Variants in ODAD4 observed in about 807,000 individuals in gnomAD.
The protein encoded by ODAD4 is outer dynein arm-docking complex subunit 4.
A neutral mutation model predicts 51.8 loss-of-function variants in ODAD4; 49 were observed. The observed-to-expected ratio is 0.95, with a 90% CI of 0.75 to 1.20. The LOEUF (loss-of-function observed/expected upper bound fraction) is 1.20. ODAD4 is among the 50% of genes most tolerant of loss of function. The probability of loss-of-function intolerance (pLI) is 0.00; values close to 1 mark genes in which losing one functional copy is unlikely to be tolerated. For missense variants in ODAD4, 590 were observed against 586.5 expected (o/e 1.01, Z -0.06); for synonymous variants, 235 against 221.3 (o/e 1.06, Z -0.55).
At chr17:41,946,576 T>C (rs1232194306) in intron 8 of ODAD4, among the ~76,000 whole-genome samples, 1 of 152,236 alleles carries the variant, frequency 6.6e-6, no homozygotes, top group Non-Finnish European at 1.5e-5. Flanking sequence ...TCACCCGCCA[T>C]GGCGTCCCAA....
chr17:41,942,762 G>T (rs1236846593), intron 7 of ODAD4, among the ~76,000 whole-genome samples: 2 of 152,214 alleles, frequency 1.3e-5, no homozygotes, highest in African/African-American at 4.8e-5. Context: ...CAGGGCTAGG[G>T]ACCAGGGCCT....
Position 41,966,212 on chromosome 17 carries a change from AG to A in ODAD4, c.*731del, listed in dbSNP as rs1309824454. Among the ~76,000 whole-genome samples, 15 of 152,286 alleles carry A rather than the reference AG, an allele frequency of 9.8e-5. No homozygotes were observed. Among genetic ancestry groups the A allele is most frequent in the Admixed American group, 7.8e-4 (12 of 15,300 alleles). ...GTGGCAGCTGAGGATCTGGCCTCAG[AG>A]GATGTTAGGATTTCACTCCGTTACT... is the stretch of plus-strand genomic sequence containing the variant. On this transcript the variant is annotated 3_prime_UTR_variant, in exon 12 of 12. Transcript: ENST00000377540.
chr17:41,954,959 C>T, intron 9 of ODAD4: 1 of 561,844 alleles, frequency 1.8e-6, no homozygotes, highest in Non-Finnish European at 3.3e-6. Context: ...GACTGCACCA[C>T]AGTCCCCTTC....
intron 10 of ODAD4, among the ~76,000 whole-genome samples, chr17:41,960,666 C>T (rs1365724555): frequency 6.6e-6 from 1 of 152,204 alleles, no homozygotes; most frequent in African/African-American, 2.4e-5. Flanking sequence ...ACTGACTCCT[C>T]ATGGGACCAG....
intron 7 of ODAD4, among the ~76,000 whole-genome samples, chr17:41,942,319 C>T (rs1215061229): frequency 6.6e-6 from 1 of 152,222 alleles, no homozygotes; most frequent in Admixed American, 6.5e-5. Flanking sequence ...CAGGAGCTCC[C>T]TCATTCTAAT....
intron 10 of ODAD4, among the ~76,000 whole-genome samples, chr17:41,960,511 T>C (rs185541695): frequency 1.4e-4 from 22 of 151,954 alleles, no homozygotes; most frequent in Non-Finnish European, 1.5e-4. Flanking sequence ...ACCAGTGCCA[T>C]AGGGGACTAG....
intron 1 of ODAD4, among the ~76,000 whole-genome samples, chr17:41,933,575 C>G (rs529070280): frequency 1.2e-4 from 18 of 152,242 alleles, no homozygotes; most frequent in Admixed American, 3.3e-4. Flanking sequence ...TTGCTTGAAC[C>G]CGGGAGGCGG....
chr17:41,935,296 G>C lies in ODAD4; in HGVS notation c.194G>C (p.Arg65Thr), dbSNP rs782273665. 5.0e-6 allele frequency: 8 copies of C among 1,613,906 alleles called. No individual in the cohort carries two copies. The highest frequency in any genetic ancestry group is 6.8e-6 in the Non-Finnish European group (8 of 1,179,906). ...TTCCTGAAGATGGGAGACTTGGAGA[G>C]ATCCCTGAAGGATGCTGAGGCTTCG... ...KCFLKMGDLE[R>T]SLKDAEASLQ... Residue 65 changes from arginine to threonine, a missense_variant, in exon 2 of 12, where the codon AGA (arginine) becomes ACA (threonine). By Grantham distance (71) the Arg-to-Thr change is moderately conservative. Around this residue, in one of 3 missense-constraint regions of ODAD4, gnomAD observed 360 missense variants for 407.5 expected, o/e 0.88. Transcript: ENST00000377540.
intron 7 of ODAD4, among the ~76,000 whole-genome samples, chr17:41,943,655 C>G (rs370891767): frequency 6.6e-5 from 10 of 152,180 alleles, no homozygotes; most frequent in African/African-American, 1.2e-4. Flanking sequence ...TCAGTTACTT[C>G]GGGCCATCTG....
chr17:41,932,726 C>CTTTT (rs10712306), intron 1 of ODAD4, among the ~76,000 whole-genome samples: 2 of 112,050 alleles, frequency 1.8e-5, no homozygotes, highest in African/African-American at 6.4e-5. Context: ...TTCTTTTCTT[C>CTTTT]TTTTTTTTTT....
At chr17:41,935,086 ATTCTTCAGAGCCTTGAT>A (rs781836321) in intron 1 of ODAD4, 114 bp from the exon 2 acceptor site, 790 of 1,104,724 alleles carry the variant, frequency 7.2e-4, no homozygotes, top group Non-Finnish European at 9.4e-4. Flanking sequence ...AATCCCCTTG[ATTCTTCAGAGCCTTGAT>A]TTCTTCAGAG....
chr17:41,957,730 C>T (rs1424601653), intron 10 of ODAD4, among the ~76,000 whole-genome samples: 1 of 152,138 alleles, frequency 6.6e-6, no homozygotes, highest in Non-Finnish European at 1.5e-5. Context: ...GCCCCCATCA[C>T]CTTGCATTCC....
chr17:41,949,763 C>G (rs1043396473), intron 9 of ODAD4, among the ~76,000 whole-genome samples: 1 of 152,274 alleles, frequency 6.6e-6, no homozygotes, highest in East Asian at 1.9e-4. Context: ...ACCTCTGCCT[C>G]CCAGGTTCAA....
intron 7 of ODAD4, among the ~76,000 whole-genome samples, chr17:41,941,106 G>A (rs1555638634): frequency 6.6e-6 from 1 of 152,178 alleles, no homozygotes; most frequent in Non-Finnish European, 1.5e-5. Flanking sequence ...GCCCAGCAAT[G>A]GCCATGTCTT....
chr17:41,934,921 A>G (rs1455097519), intron 1 of ODAD4, among the ~76,000 whole-genome samples: 4 of 152,226 alleles, frequency 2.6e-5, no homozygotes, highest in African/African-American at 7.2e-5. Context: ...CAGCGTATCC[A>G]CAGAGCAGCA....
intron 9 of ODAD4, among the ~76,000 whole-genome samples, chr17:41,951,537 T>C (rs2144521480): frequency 6.9e-6 from 1 of 144,700 alleles, no homozygotes; most frequent in Non-Finnish European, 1.5e-5. Flanking sequence ...CCTCCCGGGG[T>C]CAAGTGGTTT....
At chr17:41,933,398 C>G (rs1373674541) in intron 1 of ODAD4, among the ~76,000 whole-genome samples, 1 of 150,242 alleles carries the variant, frequency 6.7e-6, no homozygotes, top group Non-Finnish European at 1.5e-5. Flanking sequence ...TGCCTGTAAT[C>G]CCAGCACTTT....
chr17:41,943,963 G>A, intron 7 of ODAD4, among the ~76,000 whole-genome samples: 1 of 152,068 alleles, frequency 6.6e-6, no homozygotes, highest in South Asian at 2.1e-4. Context: ...CTGTTGGGAG[G>A]CCGAGGCGGG....
At position 41,930,834 on chromosome 17, in the gene ODAD4, C is replaced by T. The variant is rs1555636671; in HGVS notation, c.111C>T (p.Ser37=). 1 of 1,520,614 alleles carries T rather than the reference C, an allele frequency of 6.6e-7. No individual in the cohort carries two copies. The highest frequency in any genetic ancestry group is 8.9e-7 in the Non-Finnish European group (1 of 1,122,734). The allele number at this position is 1,520,614 out of a possible 1,614,324, so 94.2% of individuals were successfully genotyped here. Residue 37 remains serine (S), a synonymous_variant, in exon 1 of 12, where the codon AGC becomes AGT. Transcript: ENST00000377540. ...GEFSKAAQSF[S]NALYLQDGDK... is the part of the protein sequence containing the mutation. ...TTTCTAAAGCCGCGCAGAGCTTCAG[C>T]AACGTGAGTCGAGCTCTCAACCTAT...
Sources: gnomAD v4.1 joint callset for allele counts (sites outside exome capture counted in the v4.1 genomes callset) on GRCh38, gnomAD v4.1.1 for gene constraint, gnomAD v4.1.1 regional missense constraint, MANE v1.5 for transcripts, NCBI Gene and HGNC (gene_info 2026-07-23, HGNC 2026-07-21) for gene names.